ASXL3: variants seen among roughly 807,000 people sequenced by gnomAD.
The protein encoded by ASXL3 is putative Polycomb group protein ASXL3.
A neutral mutation model predicts 170.6 loss-of-function variants in ASXL3; 34 were observed. That is an observed-to-expected ratio of 0.20 (90% CI 0.15 to 0.27). The LOEUF (loss-of-function observed/expected upper bound fraction) is 0.27, where lower values mean the gene tolerates loss of function less well. Ranked by LOEUF, ASXL3 falls within the 10% of genes least tolerant of loss-of-function variation. The pLI is 1.00. For missense variants in ASXL3, 2,592 were observed against 2,695.3 expected (o/e 0.96, Z 0.85); for synonymous variants, 1,002 against 989.1 (o/e 1.01, Z -0.24).
chr18:33,739,835 A>G lies in ASXL3; in HGVS notation c.2431A>G (p.Ile811Val). Residue 811 changes from isoleucine to valine, a missense_variant, in exon 11 of 12, where the codon ATC becomes GTC. Around this residue, in one of 4 missense-constraint regions of ASXL3, gnomAD observed 2,246 missense variants for 2,219.6 expected, o/e 1.01. Transcript: ENST00000269197. ...QKNLSNTPEP[I>V]IMSSSSIAPE... is the part of the protein sequence containing the mutation. ...GAATCTGTCTAATACTCCCGAACCC[A>G]TCATAATGAGTTCTTCTTCCATTGC... is the stretch of plus-strand genomic sequence containing the variant. 1 of 1,613,878 alleles carries G rather than the reference A, an allele frequency of 6.2e-7. No homozygotes were observed.
At chr18:33,674,682 G>A (rs911912851) in intron 7 of ASXL3, among the ~76,000 whole-genome samples, 1 of 150,956 alleles carries the variant, frequency 6.6e-6, no homozygotes, top group South Asian at 2.1e-4. Flanking sequence ...GCAGTGGTGC[G>A]ATCTCGGCCC....
chr18:33,663,597 A>C (rs1400002244), intron 5 of ASXL3, among the ~76,000 whole-genome samples: 1 of 152,126 alleles, frequency 6.6e-6, no homozygotes, highest in Non-Finnish European at 1.5e-5. Flanking sequence ...AAGCTTCTTA[A>C]TGTCCTGAAA....
In ASXL3 at chr18:33,739,672, C is replaced by A; in HGVS notation, c.2268C>A (p.Ser756=). ...LPLPSETSPI[S]NSSINERMAH... Reference sequence around the variant, plus strand: ...TTCCTTCAGAAACATCTCCAATTTCCAACTCTTCCATAAATGAGAGAATGG... The same window carrying A: ...TTCCTTCAGAAACATCTCCAATTTCAAACTCTTCCATAAATGAGAGAATGG... Residue 756 remains serine (S), a synonymous_variant, in exon 11 of 12, where the codon TCC becomes TCA. Coordinates refer to ENST00000269197, the MANE Select transcript of ASXL3 (RefSeq NM_030632.3). 6.2e-7 allele frequency: 1 copy of A among 1,613,840 alleles called. No homozygotes were observed. The highest frequency in any genetic ancestry group is 8.5e-7 in the Non-Finnish European group (1 of 1,179,836).
rs1275309161 is a variant in ASXL3, at chr18:33,747,374, G to T, written c.*779G>T. Reference sequence around the variant, plus strand: ...CCAGCCAATAGCCATAAGCCCAGAGGATTTTAGAGCTTCATGTGTGGCTTT... The same window carrying T: ...CCAGCCAATAGCCATAAGCCCAGAGTATTTTAGAGCTTCATGTGTGGCTTT... On this transcript the variant is annotated 3_prime_UTR_variant, in exon 12 of 12. Transcript: ENST00000269197. 2 of 145,358 alleles carry T rather than the reference G, an allele frequency of 1.4e-5. No individual in the cohort carries two copies. The highest frequency in any genetic ancestry group is 1.4e-4 in the Admixed American group (2 of 14,494). 9.0% of individuals were successfully genotyped at this position (145,358 alleles called of 1,614,324 possible).
intron 2 of ASXL3, among the ~76,000 whole-genome samples, chr18:33,641,345 G>C (rs867558932): frequency 6.6e-6 from 1 of 152,052 alleles, no homozygotes; most frequent in African/African-American, 2.4e-5. Flanking sequence ...CTGCTTCAGG[G>C]GTTGTGGGAA....
At chr18:33,594,267 C>A (rs190361006) in intron 1 of ASXL3, among the ~76,000 whole-genome samples, 1 of 152,136 alleles carries the variant, frequency 6.6e-6, no homozygotes, top group Non-Finnish European at 1.5e-5. Context: ...TTAGGGTTGG[C>A]TAAAGGTAAC....
intron 8 of ASXL3, among the ~76,000 whole-genome samples, chr18:33,721,374 AATT>A (rs1323619624): frequency 1.3e-5 from 2 of 152,058 alleles, no homozygotes; most frequent in African/African-American, 4.8e-5. Flanking sequence ...AAAAAGAAAA[AATT>A]ATATGTACAC....
intron 2 of ASXL3, among the ~76,000 whole-genome samples, chr18:33,624,975 G>T (rs1311804533): frequency 6.6e-6 from 1 of 152,050 alleles, no homozygotes; most frequent in East Asian, 1.9e-4. Flanking sequence ...TCTGGTTTCC[G>T]AGATTCTTGT....
intron 8 of ASXL3, among the ~76,000 whole-genome samples, chr18:33,722,995 A>T (rs528115455): frequency 2.0e-5 from 3 of 152,190 alleles, no homozygotes; most frequent in African/African-American, 7.2e-5. Context: ...TGTTTACAAC[A>T]TGGCTTACTG....
intron 4 of ASXL3, among the ~76,000 whole-genome samples, chr18:33,660,191 A>G (rs2066149489): frequency 6.6e-6 from 1 of 152,240 alleles, no homozygotes; most frequent in East Asian, 1.9e-4. Flanking sequence ...CCTCCATTAT[A>G]GAAATATATA....
Position 33,646,892 on chromosome 18 carries a change from G to A in ASXL3, c.355+539G>A, listed in dbSNP as rs553886003. On this transcript the variant is annotated intron_variant, in intron 4 of 11. Coordinates refer to ENST00000269197, the MANE Select transcript of ASXL3 (RefSeq NM_030632.3). The stretch of plus-strand genomic sequence containing the variant: ...TTTTAAGGGGGAGCGGGGGGGGGGG[G>A]CATTTTTCACCTCTGAATTTTATAT... Among the ~76,000 whole-genome samples the A allele has an allele frequency of 6.6e-4, 86 of 129,614 alleles. 1 individual carries two copies. The highest frequency in any genetic ancestry group is 5.8e-3 in the East Asian group (21 of 3,602). The allele number at this position is 129,614 out of a possible 152,430, so 85.0% of individuals were successfully genotyped here.
Position 33,578,564 on chromosome 18 carries a change from G to A in ASXL3, c.-68G>A. 1 of 1,041,788 alleles carries A rather than the reference G, an allele frequency of 9.6e-7. No homozygotes were observed. Among genetic ancestry groups the A allele is most frequent in the Non-Finnish European group, 1.2e-6 (1 of 805,640 alleles). The allele number at this position is 1,041,788 out of a possible 1,614,324, so 64.5% of individuals were successfully genotyped here. The stretch of plus-strand genomic sequence containing the variant: ...ACCGGGTCACTGGGTCATTGTCTCC[G>A]CGCCCGAACCCCGAGCACCCCGTGG... On this transcript the variant is annotated 5_prime_UTR_variant, in exon 1 of 12. Coordinates refer to ENST00000269197, the MANE Select transcript of ASXL3 (RefSeq NM_030632.3).
In ASXL3 at chr18:33,743,206, C is replaced by T. The variant is rs1435968489; in HGVS notation, c.3358C>T (p.Leu1120Phe). 3 of 1,613,870 alleles carry T rather than the reference C, an allele frequency of 1.9e-6. No homozygotes were observed. The highest frequency in any genetic ancestry group is 2.5e-6 in the Non-Finnish European group (3 of 1,179,882). ...LFAKHQARAH[L>F]FQTSKETRLP... Reference sequence around the variant, plus strand: ...TGCAAAGCATCAAGCTCGAGCCCATCTCTTCCAGACCTCTAAAGAGACCCG... The same window carrying T: ...TGCAAAGCATCAAGCTCGAGCCCATTTCTTCCAGACCTCTAAAGAGACCCG... Residue 1120 changes from leucine (L) to phenylalanine (F), a missense_variant, in exon 12 of 12, where the codon CTC becomes TTC. This residue lies in a region of ASXL3 where 2,246 missense variants were observed against 2,219.6 expected (regional missense o/e 1.01). Coordinates refer to ENST00000269197, the MANE Select transcript of ASXL3 (RefSeq NM_030632.3).
intron 1 of ASXL3, among the ~76,000 whole-genome samples, chr18:33,583,039 A>C (rs1409065627): frequency 2.0e-5 from 3 of 152,180 alleles, no homozygotes; most frequent in Non-Finnish European, 1.5e-5. Flanking sequence ...ATTTCTATAA[A>C]ATAAAGCTGA....
chr18:33,704,000 G>T (rs2066919904), intron 8 of ASXL3, among the ~76,000 whole-genome samples: 1 of 152,044 alleles, frequency 6.6e-6, no homozygotes, highest in East Asian at 1.9e-4. Context: ...TTTTTATATG[G>T]TAATAAATTT....
intron 8 of ASXL3, among the ~76,000 whole-genome samples, chr18:33,692,891 CG>C (rs2066708564): frequency 1.3e-5 from 2 of 152,078 alleles, no homozygotes; most frequent in African/African-American, 4.8e-5. Context: ...TTCTGCAGCC[CG>C]GGTGGCTTAC....
At chr18:33,734,269 T>A (rs2067507778) in intron 9 of ASXL3, 41 bp from the exon 10 acceptor site, 13 of 1,375,636 alleles carry the variant, frequency 9.5e-6, no homozygotes, top group Non-Finnish European at 1.2e-5. Context: ...TAGCAAAAGA[T>A]GTGACCACAT....
chr18:33,587,243 A>G (rs1413640035), intron 1 of ASXL3, among the ~76,000 whole-genome samples: 2 of 152,178 alleles, frequency 1.3e-5, no homozygotes, highest in Admixed American at 1.3e-4. Flanking sequence ...AGAATTTAGC[A>G]TGTTTTATTT....
intron 4 of ASXL3, among the ~76,000 whole-genome samples, chr18:33,652,566 A>T (rs939014959): frequency 8.2e-5 from 11 of 133,452 alleles, no homozygotes; most frequent in Non-Finnish European, 4.7e-5. Context: ...GCAGCACTCT[A>T]GCAAGGGAAT....
Sources: allele counts gnomAD v4.1 joint callset (sites outside exome capture counted in the v4.1 genomes callset), GRCh38; gene constraint gnomAD v4.1.1; regional missense constraint gnomAD v4.1.1; transcripts MANE v1.5; gene names NCBI Gene and HGNC (gene_info 2026-07-23, HGNC 2026-07-21).